Variants in GPHN observed in about 807,000 individuals in gnomAD.
The protein encoded by GPHN is gephyrin.
In GPHN, 17 loss-of-function variants were observed where a neutral mutation model predicts 95.5. That is an observed-to-expected ratio of 0.18 (90% confidence interval 0.12 to 0.27). The LOEUF (loss-of-function observed/expected upper bound fraction) is 0.27, where lower values mean the gene tolerates loss of function less well. Among genes scored for constraint, GPHN ranks in the 10% least tolerant of loss-of-function variants. The pLI is 1.00. For synonymous variants in GPHN, 320 were observed against 322.5 expected, an observed-to-expected ratio of 0.99 and a Z score of 0.08; for missense variants, 660 against 978.1, an observed-to-expected ratio of 0.67 and a Z score of 4.34.
At chr14:67,694,196 A>C in the GPHN span, among the ~76,000 whole-genome samples, 10 of 152,156 alleles carry the variant, frequency 6.6e-5, no homozygotes, top group African/African-American at 2.4e-4. Context: ...AAATGCTGAC[A>C]GGGAGGCAGA....
the GPHN span, among the ~76,000 whole-genome samples, chr14:67,480,499 C>T: frequency 1.3e-5 from 2 of 152,100 alleles, no homozygotes; most frequent in Non-Finnish European, 2.9e-5. Context: ...GGGGCACAGC[C>T]TCTCACCCCC....
At chr14:66,814,925 G>A (rs147656725) in intron 3 of GPHN, among the ~76,000 whole-genome samples, 1,716 of 152,236 alleles carry the variant, frequency 0.011, 16 homozygotes, top group Non-Finnish European at 0.018. Flanking sequence ...ATAAAACATG[G>A]CAGGAGTTGA....
At chr14:67,193,104 CT>C in the GPHN span, among the ~76,000 whole-genome samples, 9 of 142,800 alleles carry the variant, frequency 6.3e-5, no homozygotes, top group African/African-American at 2.3e-4. Flanking sequence ...CTATATATCT[CT>C]ATATAGATAT....
chr14:66,580,717 T>G (rs2061125062), intron 1 of GPHN, among the ~76,000 whole-genome samples: 1 of 151,870 alleles, frequency 6.6e-6, no homozygotes, highest in African/African-American at 2.4e-5. Context: ...ACCTGATGCC[T>G]TTACTGGTGA....
At position 66,587,730 on chromosome 14, in the gene GPHN, G is replaced by A. The variant is rs1467444038; in HGVS notation, c.64+79139G>A. Among the ~76,000 whole-genome samples the A allele has an allele frequency of 1.2e-4, 19 of 152,196 alleles. 1 individual carries two copies. The highest frequency in any genetic ancestry group is 1.2e-3 in the Admixed American group (19 of 15,280). Reference sequence around the variant, plus strand: ...GACATTACTATAAAGAACTGTAGGAGAGCAGCCCCAGTGCTTATAGATAAA... The same window carrying A: ...GACATTACTATAAAGAACTGTAGGAAAGCAGCCCCAGTGCTTATAGATAAA... On this transcript the variant is annotated intron_variant, in intron 1 of 22. Coordinates refer to ENST00000478722, the MANE Select transcript of GPHN (RefSeq NM_020806.5).
chr14:67,403,540 C>T, the GPHN span, among the ~76,000 whole-genome samples: 1 of 152,196 alleles, frequency 6.6e-6, no homozygotes, highest in South Asian at 2.1e-4. Flanking sequence ...TATATGTCCT[C>T]CAAGAAACCC....
the GPHN span, among the ~76,000 whole-genome samples, chr14:67,246,965 A>G: frequency 3.3e-5 from 5 of 152,170 alleles, no homozygotes; most frequent in South Asian, 1.0e-3. Flanking sequence ...TAGCTTTAAA[A>G]TAAGTCTTCA....
the GPHN span, among the ~76,000 whole-genome samples, chr14:67,605,694 T>A: frequency 6.6e-6 from 1 of 151,904 alleles, no homozygotes; most frequent in Non-Finnish European, 1.5e-5. Context: ...TCATATTAAT[T>A]TTTTTTTATA....
the GPHN span, among the ~76,000 whole-genome samples, chr14:67,439,144 CTTCA>C: frequency 6.6e-6 from 1 of 152,170 alleles, no homozygotes; most frequent in Non-Finnish European, 1.5e-5. Context: ...TGTTTTGTGA[CTTCA>C]TTATTTTGTC....
the GPHN span, among the ~76,000 whole-genome samples, chr14:67,192,298 C>T: frequency 1.3e-5 from 2 of 152,144 alleles, no homozygotes; most frequent in Non-Finnish European, 2.9e-5. Flanking sequence ...ATGGAGCTAG[C>T]TCTGTGTTTC....
At chr14:66,901,998 C>G (rs1345139741) in intron 5 of GPHN, among the ~76,000 whole-genome samples, 2 of 151,984 alleles carry the variant, frequency 1.3e-5, no homozygotes, top group Non-Finnish European at 2.9e-5. Context: ...TTCTTCCTAT[C>G]ATGAGCATAG....
At chr14:66,821,935 T>C (rs369753926) in intron 3 of GPHN, among the ~76,000 whole-genome samples, 3 of 152,166 alleles carry the variant, frequency 2.0e-5, no homozygotes, top group African/African-American at 7.2e-5. Flanking sequence ...GTAATATTAC[T>C]GTAATAAAAC....
At chr14:66,828,333 A>G (rs1347539471) in intron 4 of GPHN, among the ~76,000 whole-genome samples, 2 of 152,066 alleles carry the variant, frequency 1.3e-5, no homozygotes, top group Non-Finnish European at 2.9e-5. Flanking sequence ...TATAATATCT[A>G]ACGTATAATA....
chr14:67,453,383 C>T, the GPHN span, among the ~76,000 whole-genome samples: 211 of 152,288 alleles, frequency 1.4e-3, 2 homozygotes, highest in Non-Finnish European at 1.3e-3. Flanking sequence ...AAGTATCCTG[C>T]CCTCCCAGCT....
intron 1 of GPHN, among the ~76,000 whole-genome samples, chr14:66,544,933 G>T (rs2059483266): frequency 6.6e-6 from 1 of 152,100 alleles, no homozygotes; most frequent in Admixed American, 6.5e-5. Flanking sequence ...AGGATCCCAA[G>T]GCAGAAGAAT....
At chr14:67,589,235 T>A in the GPHN span, 1 of 513,600 alleles carries the variant, frequency 1.9e-6, no homozygotes, top group Non-Finnish European at 2.5e-6. Flanking sequence ...TCCCCCACCC[T>A]CTCTCCTCCC....
intron 2 of GPHN, among the ~76,000 whole-genome samples, chr14:66,762,057 G>T (rs28463655): frequency 0.07 from 10,556 of 151,750 alleles, 902 homozygotes; most frequent in African/African-American, 0.2. Flanking sequence ...CTTTTAAAAA[G>T]CTCCTGTTTT....
At chr14:67,650,564 A>C in the GPHN span, 4 of 644,040 alleles carry the variant, frequency 6.2e-6, no homozygotes, top group Admixed American at 1.1e-4. Flanking sequence ...CAAGAGGATG[A>C]GGTGCAAGGG....
At chr14:66,868,524 G>C (rs2063312828) in intron 4 of GPHN, among the ~76,000 whole-genome samples, 1 of 151,966 alleles carries the variant, frequency 6.6e-6, no homozygotes, top group South Asian at 2.1e-4. Context: ...CTCTTGAGTA[G>C]CTGGAACTAC....
Sources: allele counts gnomAD v4.1 joint callset (sites outside exome capture counted in the v4.1 genomes callset), GRCh38; gene constraint gnomAD v4.1.1; transcripts MANE v1.5; gene names NCBI Gene and HGNC (gene_info 2026-07-23, HGNC 2026-07-21).